CYB5R4: variants seen among roughly 807,000 people sequenced by gnomAD.
CYB5R4 encodes N-terminal cytochrome b5 and cytochrome b5 oxidoreductase domain-containing protein.
In CYB5R4, 55 loss-of-function variants were observed where a neutral mutation model predicts 70.2. The observed-to-expected ratio is 0.78, with a 90% CI of 0.63 to 0.98. The LOEUF (loss-of-function observed/expected upper bound fraction) is 0.98. Among genes scored for constraint, CYB5R4 ranks in the 50% least tolerant of loss-of-function variants. The pLI, the probability that CYB5R4 is intolerant of heterozygous loss-of-function variation, is 0.00. For missense variants in CYB5R4, 562 were observed against 612.6 expected (o/e 0.92, Z 0.87); for synonymous variants, 197 against 199.5 (o/e 0.99, Z 0.11).
intron 2 of CYB5R4, among the ~76,000 whole-genome samples, chr6:83,889,260 C>A (rs781398472): frequency 1.3e-5 from 2 of 152,180 alleles, no homozygotes; most frequent in Admixed American, 6.6e-5. Context: ...ATTAAATAGT[C>A]TTCTATTGGC....
chr6:83,892,909 C>A (rs764416048), intron 2 of CYB5R4, among the ~76,000 whole-genome samples: 3 of 151,910 alleles, frequency 2.0e-5, no homozygotes, highest in Non-Finnish European at 4.4e-5. Flanking sequence ...TATTTCATTT[C>A]TTTGTGTTGG....
At chr6:83,905,633 G>T (rs2099463641) in intron 3 of CYB5R4, among the ~76,000 whole-genome samples, 1 of 152,018 alleles carries the variant, frequency 6.6e-6, no homozygotes, top group Non-Finnish European at 1.5e-5. Context: ...AAGTGTGTCT[G>T]TCCTTGGGCC....
chr6:83,861,134 G>A (rs1041559725), intron 1 of CYB5R4, among the ~76,000 whole-genome samples: 8 of 152,160 alleles, frequency 5.3e-5, no homozygotes, highest in Admixed American at 2.6e-4. Context: ...ATGAGTTACT[G>A]CCCTTCTTCG....
At chr6:83,881,602 C>T (rs1432155298) in intron 2 of CYB5R4, among the ~76,000 whole-genome samples, 3 of 152,206 alleles carry the variant, frequency 2.0e-5, no homozygotes, top group South Asian at 2.1e-4. Context: ...AAGTTCCTCT[C>T]CACCTTATAC....
At chr6:83,942,775 G>T (rs866208757) in intron 14 of CYB5R4, among the ~76,000 whole-genome samples, 4 of 152,086 alleles carry the variant, frequency 2.6e-5, no homozygotes, top group Non-Finnish European at 4.4e-5. Flanking sequence ...GAGCCTGGTG[G>T]GGGGAGGGGC....
chr6:83,906,905 A>G (rs923040476), intron 3 of CYB5R4, among the ~76,000 whole-genome samples: 1 of 152,156 alleles, frequency 6.6e-6, no homozygotes, highest in Non-Finnish European at 1.5e-5. Context: ...ATTGAATGGC[A>G]TTATATATTG....
chr6:83,924,602 G>C lies in CYB5R4; in HGVS notation c.814+10G>C. The C allele has an allele frequency of 6.2e-7, 1 of 1,608,238 alleles. No individual in the cohort carries two copies. Among genetic ancestry groups the C allele is most frequent in the Non-Finnish European group, 8.5e-7 (1 of 1,177,454 alleles). The stretch of plus-strand genomic sequence containing the variant: ...CCAAGGAAAGATACAGGTATGCTGT[G>C]TTCTTTTGTTACGTTAATTTCACAT... On this transcript the variant is annotated intron_variant, in intron 10 of 15. Coordinates refer to ENST00000369681, the MANE Select transcript of CYB5R4 (RefSeq NM_016230.4).
At chr6:83,889,398 A>G (rs34185191) in intron 2 of CYB5R4, among the ~76,000 whole-genome samples, 20 of 152,156 alleles carry the variant, frequency 1.3e-4, no homozygotes, top group Non-Finnish European at 2.9e-4. Flanking sequence ...GTCAGTGTCC[A>G]TTTACCATTC....
intron 3 of CYB5R4, among the ~76,000 whole-genome samples, chr6:83,902,364 G>C (rs935077134): frequency 6.6e-6 from 1 of 152,046 alleles, no homozygotes; most frequent in African/African-American, 2.4e-5. Context: ...TCTCTGCTCT[G>C]TTCTGTTGGT....
chr6:83,909,668 G>C (rs2099464364), intron 4 of CYB5R4, among the ~76,000 whole-genome samples: 1 of 152,030 alleles, frequency 6.6e-6, no homozygotes, highest in Non-Finnish European at 1.5e-5. Flanking sequence ...AGAAACCATG[G>C]GTAAACAAAC....
intron 3 of CYB5R4, 64 bp from the exon 4 acceptor site, chr6:83,908,945 C>A: frequency 5.0e-6 from 7 of 1,399,128 alleles, no homozygotes; most frequent in South Asian, 1.2e-5. Flanking sequence ...TTTGCTCGTA[C>A]TAAAATGAGA....
chr6:83,891,164 C>A (rs562803102), intron 2 of CYB5R4, among the ~76,000 whole-genome samples: 3 of 152,132 alleles, frequency 2.0e-5, no homozygotes, highest in Non-Finnish European at 2.9e-5. Context: ...CCAGACTGGT[C>A]TTGAACTCCT....
At chr6:83,877,324 A>G (rs1031953637) in intron 2 of CYB5R4, among the ~76,000 whole-genome samples, 9 of 152,134 alleles carry the variant, frequency 5.9e-5, no homozygotes, top group African/African-American at 1.7e-4. Flanking sequence ...GAACTCTACC[A>G]TCATTCTTTT....
intron 2 of CYB5R4, among the ~76,000 whole-genome samples, chr6:83,884,124 C>A (rs1033494411): frequency 1.2e-4 from 18 of 151,846 alleles, no homozygotes; most frequent in Admixed American, 5.2e-4. Context: ...ATGAATCGAG[C>A]ACTCTAATTA....
chr6:83,928,317 A>G (rs1432542656), intron 10 of CYB5R4, among the ~76,000 whole-genome samples: 1 of 152,220 alleles, frequency 6.6e-6, no homozygotes, highest in African/African-American at 2.4e-5. Flanking sequence ...GAAAATAAGC[A>G]AACATGAAAT....
chr6:83,932,194 T>C (rs1377125533), intron 10 of CYB5R4, among the ~76,000 whole-genome samples: 1 of 152,166 alleles, frequency 6.6e-6, no homozygotes, highest in African/African-American at 2.4e-5. Flanking sequence ...TTTCTTAAAA[T>C]CCTTGGAACC....
intron 7 of CYB5R4, among the ~76,000 whole-genome samples, chr6:83,919,804 A>G (rs2099466083): frequency 6.9e-6 from 1 of 145,166 alleles, no homozygotes; most frequent in Non-Finnish European, 1.5e-5. Context: ...GTGTGTGTAA[A>G]GCATGGATAA....
rs1403641302 is a variant in CYB5R4 at position 83,940,003 on chromosome 6, GTTTTGTT to G, written c.1109-41_1109-35del. 8 of 1,383,758 alleles carry G rather than the reference GTTTTGTT, an allele frequency of 5.8e-6. No individual in the cohort carries two copies. In the South Asian group the frequency reaches 7.1e-5, roughly 12 times the overall value. The allele number at this position is 1,383,758 out of a possible 1,614,324, so 85.7% of individuals were successfully genotyped here. On this transcript the variant is annotated intron_variant, in intron 12 of 15. Transcript: ENST00000369681. ...TCTTAGTTTCCCCGCTGGGTTTTTT[GTTTTGTT>G]TTTTGTTTTTTTTTTTTCTGATTTA...
chr6:83,948,772 A>G (rs146184744), intron 14 of CYB5R4, among the ~76,000 whole-genome samples: 124 of 151,982 alleles, frequency 8.2e-4, no homozygotes, highest in African/African-American at 2.7e-3. Flanking sequence ...TTTCGTTTTG[A>G]TCTACATAAT....
Sources: allele counts gnomAD v4.1 joint callset (sites outside exome capture counted in the v4.1 genomes callset), GRCh38; gene constraint gnomAD v4.1.1; transcripts MANE v1.5; gene names NCBI Gene and HGNC (gene_info 2026-07-23, HGNC 2026-07-21).